ANKS1B: variants seen among roughly 807,000 people sequenced by gnomAD.
ANKS1B encodes ankyrin repeat and sterile alpha motif domain-containing protein 1B.
A neutral mutation model predicts 148.3 loss-of-function variants in ANKS1B; 36 were observed. The ratio of observed to expected loss-of-function variants is 0.24; its 90% CI spans 0.19 to 0.32. The LOEUF (loss-of-function observed/expected upper bound fraction) is 0.32, where lower values mean the gene tolerates loss of function less well. Ranked by LOEUF, ANKS1B falls within the 10% of genes least tolerant of loss-of-function variation. The probability of loss-of-function intolerance (pLI) is 1.00; values close to 1 mark genes in which losing one functional copy is unlikely to be tolerated. For missense variants in ANKS1B, 1,157 were observed against 1,542.6 expected (o/e 0.75, Z 4.19); for synonymous variants, 542 against 560.8 (o/e 0.97, Z 0.47).
At chr12:99,266,629 T>C (rs1389126379) in intron 12 of ANKS1B, among the ~76,000 whole-genome samples, 2 of 152,264 alleles carry the variant, frequency 1.3e-5, no homozygotes, top group Admixed American at 6.5e-5. Flanking sequence ...TCGGAGGGTG[T>C]CCTTACATCT....
intron 17 of ANKS1B, chr12:98,956,498 C>T (rs957126945): frequency 1.3e-5 from 2 of 152,160 alleles, no homozygotes; most frequent in African/African-American, 4.8e-5. Context: ...GTTTGGCCTG[C>T]AAGGATCATC....
At chr12:99,365,989 C>T (rs910050917) in intron 12 of ANKS1B, among the ~76,000 whole-genome samples, 1 of 152,094 alleles carries the variant, frequency 6.6e-6, no homozygotes, top group African/African-American at 2.4e-5. Context: ...CAGAAGTAGC[C>T]CTTGGACTAA....
intron 1 of ANKS1B, among the ~76,000 whole-genome samples, chr12:99,947,481 T>C (rs2095098078): frequency 6.6e-6 from 1 of 151,970 alleles, no homozygotes; most frequent in Admixed American, 6.6e-5. Flanking sequence ...AACGTAACAA[T>C]GAAAAGAATA....
intron 15 of ANKS1B, among the ~76,000 whole-genome samples, chr12:99,150,224 C>T (rs576770531): frequency 7.9e-5 from 12 of 152,122 alleles, no homozygotes; most frequent in African/African-American, 1.4e-4. Context: ...CTGATTTCTA[C>T]GCACACAGCA....
At chr12:99,016,044 C>T (rs1398656427) in intron 17 of ANKS1B, among the ~76,000 whole-genome samples, 1 of 152,132 alleles carries the variant, frequency 6.6e-6, no homozygotes, top group African/African-American at 2.4e-5. Flanking sequence ...GATTGGTAGT[C>T]TTCGTTCTTC....
chr12:99,593,203 C>CGTTTAGCAGCTCAT (rs2097721522), intron 9 of ANKS1B, among the ~76,000 whole-genome samples: 1 of 151,924 alleles, frequency 6.6e-6, no homozygotes, highest in Admixed American at 6.6e-5. Flanking sequence ...ATTTGGAGTG[C>CGTTTAGCAGCTCAT]CCTGGCCAAG....
intron 12 of ANKS1B, among the ~76,000 whole-genome samples, chr12:99,294,455 T>C (rs1164995876): frequency 6.6e-6 from 1 of 152,160 alleles, no homozygotes; most frequent in Non-Finnish European, 1.5e-5. Flanking sequence ...TTCTCACTTA[T>C]TTGTGGGAGC....
intron 1 of ANKS1B, among the ~76,000 whole-genome samples, chr12:99,832,239 A>C (rs1565819309): frequency 6.6e-6 from 1 of 152,210 alleles, no homozygotes; most frequent in Non-Finnish European, 1.5e-5. Flanking sequence ...TGAAATAAAA[A>C]TATTCATATG....
At chr12:99,582,941 C>T (rs1453383349) in intron 9 of ANKS1B, among the ~76,000 whole-genome samples, 1 of 152,060 alleles carries the variant, frequency 6.6e-6, no homozygotes, top group Admixed American at 6.6e-5. Context: ...CCTCTATTTT[C>T]CTGAAATACC....
At chr12:99,287,485 C>A (rs1232934167) in intron 12 of ANKS1B, among the ~76,000 whole-genome samples, 1 of 152,086 alleles carries the variant, frequency 6.6e-6, no homozygotes, top group Non-Finnish European at 1.5e-5. Context: ...ATACCTAACT[C>A]TTCAATGCAC....
chr12:98,895,053 T>C, intron 17 of ANKS1B: 1 of 927,972 alleles, frequency 1.1e-6, no homozygotes, highest in Non-Finnish European at 1.3e-6. Flanking sequence ...GGCTGCGCTC[T>C]CCATTGTTCC....
chr12:99,282,185 A>G (rs1018066111), intron 12 of ANKS1B, among the ~76,000 whole-genome samples: 1 of 152,204 alleles, frequency 6.6e-6, no homozygotes, highest in African/African-American at 2.4e-5. Context: ...AACTGTAGGA[A>G]GTGCAGAAAT....
At chr12:99,783,206 G>C (rs865933613) in intron 4 of ANKS1B, among the ~76,000 whole-genome samples, 2 of 144,636 alleles carry the variant, frequency 1.4e-5, no homozygotes, top group African/African-American at 2.5e-5. Context: ...AAAAAAAAAA[G>C]AAAAGAAAAA....
At chr12:98,999,145 G>GCTTT (rs2099931413) in intron 17 of ANKS1B, among the ~76,000 whole-genome samples, 1 of 152,228 alleles carries the variant, frequency 6.6e-6, no homozygotes, top group South Asian at 2.1e-4. Flanking sequence ...TGGCTGCTGA[G>GCTTT]ATACACCGTG....
chr12:98,891,043 A>G (rs529157354), intron 17 of ANKS1B, among the ~76,000 whole-genome samples: 1 of 152,342 alleles, frequency 6.6e-6, no homozygotes, highest in South Asian at 2.1e-4. Flanking sequence ...TGAGGTTAGT[A>G]GTTTCAGTTT....
intron 9 of ANKS1B, among the ~76,000 whole-genome samples, chr12:99,538,066 T>C (rs1030645757): frequency 3.9e-5 from 6 of 152,120 alleles, no homozygotes; most frequent in African/African-American, 1.4e-4. Flanking sequence ...GAGTTCACTC[T>C]AGGTGTGTTT....
intron 17 of ANKS1B, among the ~76,000 whole-genome samples, chr12:99,027,783 A>C (rs926317361): frequency 6.6e-6 from 1 of 152,246 alleles, no homozygotes; most frequent in Admixed American, 6.5e-5. Flanking sequence ...CAGTTTCCCC[A>C]TATGCAAAGC....
At position 99,820,795 on chromosome 12, in the gene ANKS1B, A is replaced by C. The variant is rs561764393; in HGVS notation, c.215+4514T>G. ...ATATATAATGTGACAGAGAAGAGCC[A>C]GGGAGAGTTTAACAACAAAGGGGAG... On this transcript the variant is annotated intron_variant, in intron 2 of 26. Transcript: ENST00000683438. Among the ~76,000 whole-genome samples, 14 of 152,098 alleles carry C rather than the reference A, an allele frequency of 9.2e-5. 1 individual carries two copies. The South Asian group carries it at 2.7e-3, about 29-fold the overall frequency.
chr12:99,445,989 C>A (rs2095631571), intron 10 of ANKS1B, among the ~76,000 whole-genome samples: 1 of 151,946 alleles, frequency 6.6e-6, no homozygotes, highest in Non-Finnish European at 1.5e-5. Context: ...TCCTAGAGTG[C>A]TAGGATTATA....
Sources: allele counts gnomAD v4.1 joint callset (sites outside exome capture counted in the v4.1 genomes callset), GRCh38; gene constraint gnomAD v4.1.1; transcripts MANE v1.5; gene names NCBI Gene and HGNC (gene_info 2026-07-23, HGNC 2026-07-21).